The following ANKFN1 variants were observed in gnomAD, a reference collection of about 807,000 sequenced individuals.
The protein encoded by ANKFN1 is ankyrin repeat and fibronectin type-III domain-containing protein 1.
Under a neutral mutation model 108.7 loss-of-function variants are expected in ANKFN1, and 74 were observed. The ratio of observed to expected loss-of-function variants is 0.68; its 90% CI spans 0.56 to 0.83. The LOEUF is 0.83. ANKFN1 is among the 40% of genes least tolerant of loss of function. The pLI, the probability that ANKFN1 is intolerant of heterozygous loss-of-function variation, is 0.00. For missense variants in ANKFN1, 1,505 were observed against 1,382.3 expected (o/e 1.09, Z -1.41); for synonymous variants, 547 against 516.2 (o/e 1.06, Z -0.81).
chr17:56,378,234 G>T (rs1038458253), intron 8 of ANKFN1, among the ~76,000 whole-genome samples: 1 of 152,054 alleles, frequency 6.6e-6, no homozygotes, highest in African/African-American at 2.4e-5. Context: ...ATTCCAGGGC[G>T]GTGTATGAGG....
At chr17:56,499,333 C>G (rs1567709331) in intron 20 of ANKFN1, among the ~76,000 whole-genome samples, 1 of 152,052 alleles carries the variant, frequency 6.6e-6, no homozygotes, top group African/African-American at 2.4e-5. Flanking sequence ...CATTCCAGTT[C>G]TAGGTCACAC....
At chr17:56,247,220 A>G (rs935682912) in intron 3 of ANKFN1, among the ~76,000 whole-genome samples, 3 of 152,252 alleles carry the variant, frequency 2.0e-5, no homozygotes, top group African/African-American at 7.2e-5. Context: ...GCAGCACCAC[A>G]TAAAGAAAAC....
intron 8 of ANKFN1, among the ~76,000 whole-genome samples, chr17:56,378,848 G>C (rs1481357081): frequency 6.6e-6 from 1 of 152,154 alleles, no homozygotes; most frequent in Non-Finnish European, 1.5e-5. Flanking sequence ...GATGAAAAAT[G>C]AAAGGCAACA....
intron 19 of ANKFN1, among the ~76,000 whole-genome samples, chr17:56,496,651 G>A (rs2051209322): frequency 6.6e-6 from 1 of 152,024 alleles, no homozygotes; most frequent in Non-Finnish European, 1.5e-5. Context: ...ATGTCCTTAT[G>A]AGGACATCTG....
chr17:56,424,861 A>C (rs1447801508), intron 8 of ANKFN1, among the ~76,000 whole-genome samples: 5 of 152,188 alleles, frequency 3.3e-5, no homozygotes, highest in South Asian at 2.1e-4. Flanking sequence ...AAGCATCCCC[A>C]AAAAAACCTA....
Position 56,457,305 on chromosome 17 carries a change from C to T in ANKFN1, c.1356C>T (p.Val452=). Residue 452 remains valine, a synonymous_variant, in exon 13 of 21, where the codon GTC becomes GTT. Coordinates refer to ENST00000682825, the MANE Select transcript of ANKFN1 (RefSeq NM_001370326.1). Reference sequence around the variant, plus strand: ...TTTATTACAAAGACAATATCTTAGTCACCAATGAAGATCAAGTACCAATTG... The same window carrying T: ...TTTATTACAAAGACAATATCTTAGTTACCAATGAAGATCAAGTACCAATTG... ...VIFYYKDNIL[V]TNEDQVPIVE... 1.2e-6 allele frequency: 2 copies of T among 1,602,466 alleles called. No homozygotes were observed. The highest frequency in any genetic ancestry group is 1.7e-6 in the Non-Finnish European group (2 of 1,172,576).
intron 3 of ANKFN1, among the ~76,000 whole-genome samples, chr17:56,283,674 T>A (rs1567884611): frequency 6.6e-6 from 1 of 151,982 alleles, no homozygotes; most frequent in East Asian, 1.9e-4. Context: ...CACTCATAAG[T>A]GTGAGCTAAG....
chr17:56,137,142 T>C (rs1220659460), intron 4 of ANKFN1, among the ~76,000 whole-genome samples: 1 of 152,076 alleles, frequency 6.6e-6, no homozygotes, highest in African/African-American at 2.4e-5. Flanking sequence ...ATATTTAAAA[T>C]CCAGCAGGTC....
At chr17:56,194,074 C>A (rs1913264086) in intron 1 of ANKFN1, among the ~76,000 whole-genome samples, 1 of 152,164 alleles carries the variant, frequency 6.6e-6, no homozygotes, top group Non-Finnish European at 1.5e-5. Context: ...CAATGATATA[C>A]CACTGTACAC....
At chr17:56,343,254 C>A (rs555865556) in intron 4 of ANKFN1, among the ~76,000 whole-genome samples, 1 of 151,878 alleles carries the variant, frequency 6.6e-6, no homozygotes, top group Non-Finnish European at 1.5e-5. Context: ...TCTTTCATTT[C>A]AACCTGAAGG....
At chr17:56,308,501 G>T (rs1212247555) in intron 3 of ANKFN1, among the ~76,000 whole-genome samples, 11 of 151,792 alleles carry the variant, frequency 7.2e-5, no homozygotes, top group Admixed American at 7.2e-4. Flanking sequence ...ACATAGGAAT[G>T]GTTTTATTTT....
Position 56,092,576 on chromosome 17 carries a change from T to C in ANKFN1, c.288+46251T>C, listed in dbSNP as rs149069483. ...GGCGTGAGCCACCGCGCCCAGTCGG[T>C]AGTATGTTTTTTAAGCTGTGCAACA... On this transcript the variant is annotated intron_variant, in intron 4 of 12. Transcript: ENST00000635860. 8.2e-4 allele frequency among the ~76,000 whole-genome samples: 124 copies of C among 151,210 alleles called. 4 individuals are homozygous for C. Among genetic ancestry groups the C allele is most frequent in the Non-Finnish European group, 1.6e-3 (107 of 67,654 alleles).
At chr17:56,332,621 T>C (rs1229633212) in intron 4 of ANKFN1, among the ~76,000 whole-genome samples, 1 of 152,190 alleles carries the variant, frequency 6.6e-6, no homozygotes, top group African/African-American at 2.4e-5. Flanking sequence ...GGTTGTTTCC[T>C]GGCTCTCTAT....
chr17:56,070,363 C>G, intron 4 of ANKFN1, among the ~76,000 whole-genome samples: 1 of 152,168 alleles, frequency 6.6e-6, no homozygotes, highest in South Asian at 2.1e-4. Flanking sequence ...ACTCCAGACT[C>G]TGTCGCCTTC....
intron 4 of ANKFN1, among the ~76,000 whole-genome samples, chr17:56,112,016 G>C (rs1253518155): frequency 6.6e-6 from 1 of 152,138 alleles, no homozygotes; most frequent in East Asian, 1.9e-4. Flanking sequence ...ATTCTCAAGG[G>C]GCTAGCTACA....
At chr17:56,500,073 A>AGCTT (rs2051319177) in intron 20 of ANKFN1, among the ~76,000 whole-genome samples, 1 of 152,202 alleles carries the variant, frequency 6.6e-6, no homozygotes, top group South Asian at 2.1e-4. Flanking sequence ...TAGCTGTATG[A>AGCTT]GCTTGAACAG....
intron 11 of ANKFN1, among the ~76,000 whole-genome samples, 176 bp from the exon 12 acceptor site, chr17:56,456,685 C>T (rs759495423): frequency 6.6e-6 from 1 of 151,916 alleles, no homozygotes; most frequent in Non-Finnish European, 1.5e-5. Context: ...CGAGAGCCAC[C>T]GTGCCCGGCT....
intron 3 of ANKFN1, among the ~76,000 whole-genome samples, chr17:56,253,174 T>G (rs1219001271): frequency 6.6e-6 from 1 of 152,126 alleles, no homozygotes; most frequent in Non-Finnish European, 1.5e-5. Flanking sequence ...TTCTACACAG[T>G]TGCTAAAAAT....
At chr17:56,244,021 G>A (rs527721469) in intron 3 of ANKFN1, among the ~76,000 whole-genome samples, 4 of 152,034 alleles carry the variant, frequency 2.6e-5, no homozygotes, top group Non-Finnish European at 4.4e-5. Flanking sequence ...GGGAGTGGAG[G>A]GGGTCACTAT....
Sources: allele counts gnomAD v4.1 joint callset (sites outside exome capture counted in the v4.1 genomes callset), GRCh38; gene constraint gnomAD v4.1.1; transcripts MANE v1.5; gene names NCBI Gene and HGNC (gene_info 2026-07-23, HGNC 2026-07-21).